SNX16: variants seen among roughly 807,000 people sequenced by gnomAD.
The protein encoded by SNX16 is sorting nexin-16.
A neutral mutation model predicts 36.7 loss-of-function variants in SNX16; 35 were observed. The observed-to-expected ratio is 0.95, with a 90% confidence interval of 0.73 to 1.27. The LOEUF is 1.27. Among genes scored for constraint, SNX16 ranks in the 50% most tolerant of loss-of-function variants. The pLI is 0.00. For missense variants in SNX16, 367 were observed against 393.6 expected, an observed-to-expected ratio of 0.93 and a Z score of 0.57; for synonymous variants, 134 against 132.0, an observed-to-expected ratio of 1.02 and a Z score of -0.10.
At chr8:81,811,437 C>A (rs1284093668) in intron 5 of SNX16, among the ~76,000 whole-genome samples, 17 of 152,146 alleles carry the variant, frequency 1.1e-4, no homozygotes, top group Admixed American at 1.1e-3. Context: ...TAAATACACT[C>A]CTTAGACTAT....
chr8:81,814,285 A>T (rs1810386373), intron 5 of SNX16, among the ~76,000 whole-genome samples: 1 of 152,104 alleles, frequency 6.6e-6, no homozygotes, highest in African/African-American at 2.4e-5. Context: ...AAGCATGCTA[A>T]GTGAAATAAA....
chr8:81,822,929 TATATATATATACATATAC>T (rs1405050850), intron 4 of SNX16, among the ~76,000 whole-genome samples: 1 of 16,796 alleles, frequency 6.0e-5, no homozygotes, highest in South Asian at 2.7e-3. Flanking sequence ...AAGATGTGTA[TATATATATATACATATAC>T]ATATATATAT....
At chr8:81,807,592 G>A (rs1810024741) in intron 5 of SNX16, among the ~76,000 whole-genome samples, 1 of 145,834 alleles carries the variant, frequency 6.9e-6, no homozygotes, top group African/African-American at 2.6e-5. Flanking sequence ...CAACTATTTA[G>A]CATAGAAGAA....
At chr8:81,807,737 G>A (rs1810032240) in intron 5 of SNX16, 2 of 637,998 alleles carry the variant, frequency 3.1e-6, no homozygotes, top group African/African-American at 1.8e-5. Context: ...TGCCGCCGAA[G>A]AAGCATTGTT....
intron 4 of SNX16, among the ~76,000 whole-genome samples, chr8:81,822,964 A>ATGTATATGTATATG (rs145512877): frequency 7.9e-6 from 1 of 127,250 alleles, no homozygotes; most frequent in Non-Finnish European, 1.6e-5. Context: ...ATATATATAT[A>ATGTATATGTATATG]TATATATATA....
Position 81,800,788 on chromosome 8 carries a change from G to T in SNX16, c.*709C>A, listed in dbSNP as rs934399209. 1 of 152,098 alleles carries T rather than the reference G, an allele frequency of 6.6e-6. No homozygotes were observed. The highest frequency in any genetic ancestry group is 6.6e-5 in the Admixed American group (1 of 15,250). The allele number at this position is 152,098 out of a possible 1,614,324, so 9.4% of individuals were successfully genotyped here. ...AAATCTAGGTAGAGATAAAGATTACGTGGAAACTAAACAAATGTAACATAT... is the reference window on the plus strand; with the variant it reads ...AAATCTAGGTAGAGATAAAGATTACTTGGAAACTAAACAAATGTAACATAT... On this transcript the variant is annotated 3_prime_UTR_variant, in exon 8 of 8. Transcript: ENST00000345957.
At chr8:81,824,160 T>C (rs79487521) in intron 3 of SNX16, among the ~76,000 whole-genome samples, 5,425 of 152,280 alleles carry the variant, frequency 0.036, 175 homozygotes, top group Non-Finnish European at 0.055. Flanking sequence ...AACTTGGCAT[T>C]GTCCATCTTT....
intron 2 of SNX16, among the ~76,000 whole-genome samples, chr8:81,833,087 C>CT (rs1811339506): frequency 2.0e-5 from 3 of 150,456 alleles, no homozygotes; most frequent in Non-Finnish European, 4.4e-5. Context: ...TTAAAATGGT[C>CT]TAATACTAAC....
At chr8:81,841,930 G>C (rs1335739990) in intron 1 of SNX16, 192 bp downstream of exon 1, 1 of 152,160 alleles carries the variant, frequency 6.6e-6, no homozygotes, top group Non-Finnish European at 1.5e-5. Context: ...TCCGCTGACC[G>C]GTGCGCGCCC....
chr8:81,826,148 A>G (rs1303474299), intron 3 of SNX16, among the ~76,000 whole-genome samples: 1 of 152,172 alleles, frequency 6.6e-6, no homozygotes. Flanking sequence ...ATGAAAAAAA[A>G]TTGCCAGAAA....
chr8:81,807,544 A>AAAAAAAAAG, intron 5 of SNX16, among the ~76,000 whole-genome samples: 1 of 146,710 alleles, frequency 6.8e-6, no homozygotes, highest in Non-Finnish European at 1.5e-5. Flanking sequence ...AAAAAAAAAA[A>AAAAAAAAAG]AAAGAACTGA....
At chr8:81,815,283 T>C (rs1810428034) in intron 5 of SNX16, 42 bp downstream of exon 5, 1 of 1,460,860 alleles carries the variant, frequency 6.8e-7, no homozygotes, top group African/African-American at 1.4e-5. Flanking sequence ...TGTACTGCAT[T>C]AATTGTTCCT....
In SNX16 at chr8:81,801,420, G is replaced by T; in HGVS notation, c.*77C>A. On this transcript the variant is annotated 3_prime_UTR_variant, in exon 8 of 8. Coordinates refer to ENST00000345957, the MANE Select transcript of SNX16 (RefSeq NM_152836.3). ...TTTTCTATATGTTTTACAGTTCTTG[G>T]TTCTTCTTTTAAAATAGTATTTGCC... is the stretch of plus-strand genomic sequence containing the variant. The T allele has an allele frequency of 5.0e-6, 4 of 803,770 alleles. No individual in the cohort carries two copies. Among genetic ancestry groups the T allele is most frequent in the African/African-American group, 1.8e-5 (1 of 56,508 alleles). 49.8% of individuals were successfully genotyped at this position (803,770 alleles called of 1,614,324 possible). A position where few individuals can be genotyped will look rare whatever the true frequency, so the allele number is the denominator to read the frequency against.
intron 5 of SNX16, among the ~76,000 whole-genome samples, chr8:81,812,875 A>T (rs969183041): frequency 6.6e-6 from 1 of 152,078 alleles, no homozygotes; most frequent in African/African-American, 2.4e-5. Flanking sequence ...CAACACAAAG[A>T]AAGAGGGAGG....
At chr8:81,831,764 G>T (rs1054256209) in intron 2 of SNX16, among the ~76,000 whole-genome samples, 2 of 148,900 alleles carry the variant, frequency 1.3e-5, no homozygotes, top group Non-Finnish European at 3.0e-5. Flanking sequence ...CAAAAGACAT[G>T]AACAGATACT....
chr8:81,801,560 T>G lies in SNX16; in HGVS notation c.972A>C (p.Glu324Asp). The change falls in exon 8 of 8, where the codon GAA becomes GAC. Residue 324 changes from glutamate to aspartate, a missense_variant. Physicochemically the swap from Glu to Asp is conservative, Grantham distance 45. Coordinates refer to ENST00000345957, the MANE Select transcript of SNX16 (RefSeq NM_152836.3). ...CTATCTCTGATACAGCATTTTCAGGTTCACTAAAACTTAAGCATGGTTTAT... is the reference window on the plus strand; with the variant it reads ...CTATCTCTGATACAGCATTTTCAGGGTCACTAAAACTTAAGCATGGTTTAT... Reference protein sequence around the residue: ...ADNKPCLSFSEPENAVSEIEV... With the variant: ...ADNKPCLSFSDPENAVSEIEV... 6.3e-7 allele frequency: 1 copy of G among 1,590,342 alleles called. No homozygotes were observed.
intron 7 of SNX16, among the ~76,000 whole-genome samples, chr8:81,802,072 G>C (rs1445448068): frequency 6.6e-6 from 1 of 151,476 alleles, no homozygotes; most frequent in African/African-American, 2.4e-5. Context: ...GGGAGATTAA[G>C]GTAATCTGTC....
At chr8:81,828,036 G>A (rs1034390456) in intron 3 of SNX16, among the ~76,000 whole-genome samples, 1 of 152,020 alleles carries the variant, frequency 6.6e-6, no homozygotes, top group Non-Finnish European at 1.5e-5. Context: ...TGGGGACAAG[G>A]CAGCTCTTCT....
chr8:81,823,991 T>C lies in SNX16; in HGVS notation c.463-51A>G. On this transcript the variant is annotated intron_variant, in intron 3 of 7. Coordinates refer to ENST00000345957, the MANE Select transcript of SNX16 (RefSeq NM_152836.3). Reference sequence around the variant, plus strand: ...CAATGTTTAACTCAAGCACTATCAATTCTACAAAATCTATCCTGTTGACTA... The same window carrying C: ...CAATGTTTAACTCAAGCACTATCAACTCTACAAAATCTATCCTGTTGACTA... 2.0e-6 allele frequency: 3 copies of C among 1,508,614 alleles called. No homozygotes were observed. In the South Asian group the frequency reaches 3.7e-5, roughly 19 times the overall value. The allele number at this position is 1,508,614 out of a possible 1,614,324, so 93.5% of individuals were successfully genotyped here. A position where few individuals can be genotyped will look rare whatever the true frequency, so the allele number is the denominator to read the frequency against.
Sources: allele counts gnomAD v4.1 joint callset (sites outside exome capture counted in the v4.1 genomes callset), GRCh38; gene constraint gnomAD v4.1.1; transcripts MANE v1.5; gene names NCBI Gene and HGNC (gene_info 2026-07-23, HGNC 2026-07-21).